GRIA3: variants seen among roughly 807,000 people sequenced by gnomAD.
GRIA3 encodes the protein glutamate receptor 3.
GRIA3 carries 3 observed loss-of-function variants against 63.0 expected under a neutral mutation model. The ratio of observed to expected loss-of-function variants is 0.05; its 90% CI spans 0.02 to 0.12. The LOEUF (loss-of-function observed/expected upper bound fraction) is 0.12, where lower values mean the gene tolerates loss of function less well. Among genes scored for constraint, GRIA3 ranks in the 10% least tolerant of loss-of-function variants. The probability of loss-of-function intolerance (pLI) is 1.00; values close to 1 mark genes in which losing one functional copy is unlikely to be tolerated. For synonymous variants in GRIA3, 274 were observed against 257.9 expected, an observed-to-expected ratio of 1.06 and a Z score of -0.60; for missense variants, 347 against 700.9, an observed-to-expected ratio of 0.50 and a Z score of 5.70.
chrX:123,473,539 C>A (rs968930299), intron 13 of GRIA3, among the ~76,000 whole-genome samples: 1 of 111,617 alleles, frequency 9.0e-6, no homozygotes, highest in Non-Finnish European at 1.9e-5. Flanking sequence ...GCTAGAGAAG[C>A]AAGTGAGTGA....
At chrX:123,344,984 C>T (rs1048727780) in intron 4 of GRIA3, among the ~76,000 whole-genome samples, 5 of 111,660 alleles carry the variant, frequency 4.5e-5, no homozygotes, top group African/African-American at 6.5e-5. Flanking sequence ...AATTAGAGTC[C>T]CTGGAGAGGA....
intron 12 of GRIA3, among the ~76,000 whole-genome samples, chrX:123,429,580 G>A (rs1249547975): frequency 9.0e-6 from 1 of 111,710 alleles, no homozygotes; most frequent in African/African-American, 3.3e-5. Context: ...CACATTTATC[G>A]GGGCTAGAAG....
At chrX:123,389,872 A>AT (rs1202365731) in intron 5 of GRIA3, among the ~76,000 whole-genome samples, 1 of 109,684 alleles carries the variant, frequency 9.1e-6, no homozygotes, top group African/African-American at 3.3e-5. Context: ...CGCCCGGCTA[A>AT]TTTTTTTGTA....
intron 12 of GRIA3, among the ~76,000 whole-genome samples, chrX:123,451,837 G>A (rs1054778070): frequency 1.8e-5 from 2 of 111,262 alleles, no homozygotes; most frequent in Non-Finnish European, 3.8e-5. Flanking sequence ...AGATACCTAT[G>A]AGATATCTAA....
intron 9 of GRIA3, among the ~76,000 whole-genome samples, chrX:123,403,975 T>C (rs1052894937): frequency 1.2e-4 from 13 of 111,730 alleles, no homozygotes; most frequent in Non-Finnish European, 2.4e-4. Context: ...AATAATCACC[T>C]ACCCATGTCA....
intron 3 of GRIA3, among the ~76,000 whole-genome samples, chrX:123,265,355 C>T (rs2044481893): frequency 9.0e-6 from 1 of 111,467 alleles, no homozygotes; most frequent in Non-Finnish European, 1.9e-5. Flanking sequence ...GAAGCCTTAC[C>T]AGATAACATA....
At chrX:123,336,456 C>A (rs2044975050) in intron 4 of GRIA3, among the ~76,000 whole-genome samples, 2 of 111,451 alleles carry the variant, frequency 1.8e-5, no homozygotes, top group Non-Finnish European at 3.8e-5. Context: ...CAAGGTCAAA[C>A]TATCTCTGCT....
At chrX:123,394,929 C>A (rs746790897) in intron 5 of GRIA3, 39 bp from the exon 6 acceptor site, 9 of 1,043,845 alleles carry the variant, frequency 8.6e-6, no homozygotes, top group African/African-American at 1.8e-5. Flanking sequence ...TAAGAACATA[C>A]AACTTCCCAC....
chrX:123,261,101 A>G (rs768353104), intron 3 of GRIA3, among the ~76,000 whole-genome samples: 42 of 111,902 alleles, frequency 3.8e-4, no homozygotes, highest in Non-Finnish European at 6.6e-4. Context: ...TCATTTAAAC[A>G]CTTACTCTCC....
At chrX:123,327,311 C>T (rs1462373796) in intron 4 of GRIA3, among the ~76,000 whole-genome samples, 1 of 111,616 alleles carries the variant, frequency 9.0e-6, no homozygotes, top group Non-Finnish European at 1.9e-5. Context: ...CAGATCTGTT[C>T]AGGGTAGAGT....
intron 12 of GRIA3, among the ~76,000 whole-genome samples, chrX:123,460,429 T>C (rs1215062808): frequency 8.9e-6 from 1 of 112,080 alleles, no homozygotes; most frequent in Non-Finnish European, 1.9e-5. Flanking sequence ...CAGGGTTTTC[T>C]ATAATGCCAA....
At chrX:123,341,698 C>T (rs751390952) in intron 4 of GRIA3, among the ~76,000 whole-genome samples, 1 of 112,437 alleles carries the variant, frequency 8.9e-6, no homozygotes, top group Admixed American at 9.4e-5. Context: ...TCACGTACCA[C>T]CATACAGGTA....
chrX:123,199,151 G>A (rs1278809240), intron 2 of GRIA3, among the ~76,000 whole-genome samples: 1 of 111,413 alleles, frequency 9.0e-6, no homozygotes, highest in Non-Finnish European at 1.9e-5. Flanking sequence ...TTGCTAATGT[G>A]ATTTTCCAGC....
chrX:123,297,287 T>TCTATA (rs2044691415), intron 3 of GRIA3, among the ~76,000 whole-genome samples: 1 of 111,993 alleles, frequency 8.9e-6, no homozygotes, highest in Non-Finnish European at 1.9e-5. Context: ...CACATTCCAG[T>TCTATA]CTATAAAACC....
At chrX:123,257,102 A>T (rs2044423934) in intron 3 of GRIA3, among the ~76,000 whole-genome samples, 1 of 111,216 alleles carries the variant, frequency 9.0e-6, no homozygotes, top group African/African-American at 3.3e-5. Flanking sequence ...ACACCCACAG[A>T]ACCCTTCTGT....
At chrX:123,268,048 C>G (rs1260114496) in intron 3 of GRIA3, among the ~76,000 whole-genome samples, 3 of 111,689 alleles carry the variant, frequency 2.7e-5, no homozygotes, top group Admixed American at 9.5e-5. Flanking sequence ...TCACAATGAC[C>G]TGAGATCCTT....
chrX:123,311,785 C>A (rs1817053672), intron 3 of GRIA3, among the ~76,000 whole-genome samples: 1 of 111,912 alleles, frequency 8.9e-6, no homozygotes. Context: ...TGGGCATCTT[C>A]AGGTATTTAC....
Position 123,410,034 on chromosome X carries a change from T to C in GRIA3, c.1500+5120T>C, listed in dbSNP as rs759350868. 4.5e-5 allele frequency among the ~76,000 whole-genome samples: 5 copies of C among 111,995 alleles called. No homozygotes were observed. In the South Asian group the frequency reaches 1.9e-3, roughly 42 times the overall value. The stretch of plus-strand genomic sequence containing the variant: ...AGGGGCTTACAATCTAGTTGGATTA[T>C]AAACTTTTCCATCTAAGATACTTAT... On this transcript the variant is annotated intron_variant, in intron 10 of 15. Transcript: ENST00000620443.
At chrX:123,214,870 T>C (rs1928122122) in intron 2 of GRIA3, among the ~76,000 whole-genome samples, 1 of 111,927 alleles carries the variant, frequency 8.9e-6, no homozygotes, top group Non-Finnish European at 1.9e-5. Flanking sequence ...GGCATCAAAA[T>C]GCAAAGTCAG....
Sources: gnomAD v4.1 joint callset for allele counts (sites outside exome capture counted in the v4.1 genomes callset) on GRCh38, gnomAD v4.1.1 for gene constraint, MANE v1.5 for transcripts, NCBI Gene and HGNC (gene_info 2026-07-23, HGNC 2026-07-21) for gene names.